The following CDK14 variants were observed in gnomAD, a reference collection of about 807,000 sequenced individuals.
The protein encoded by CDK14 is cyclin dependent kinase 14, also known as cyclin-dependent kinase 14.
CDK14 carries 34 observed loss-of-function variants against 60.7 expected under a neutral mutation model. That is an observed-to-expected ratio of 0.56 (90% CI 0.43 to 0.75). The LOEUF is 0.75. Among genes scored for constraint, CDK14 ranks in the 30% least tolerant of loss-of-function variants. The pLI is 0.00. For missense variants in CDK14, 482 were observed against 564.1 expected, an observed-to-expected ratio of 0.85 and a Z score of 1.47; for synonymous variants, 197 against 203.7, an observed-to-expected ratio of 0.97 and a Z score of 0.28.
chr7:90,886,496 A>G (rs909113082), intron 6 of CDK14, among the ~76,000 whole-genome samples: 6 of 152,202 alleles, frequency 3.9e-5, no homozygotes, highest in Non-Finnish European at 1.5e-5. Context: ...GCCCTCGCAT[A>G]GGGAAAGCAT....
At chr7:91,180,344 TTAAA>T (rs769129886) in intron 14 of CDK14, among the ~76,000 whole-genome samples, 32 of 152,230 alleles carry the variant, frequency 2.1e-4, no homozygotes, top group Non-Finnish European at 4.6e-4. Flanking sequence ...GCTGGGTCTA[TTAAA>T]TAGTCATTAA....
intron 7 of CDK14, among the ~76,000 whole-genome samples, chr7:90,911,389 C>A (rs1792895856): frequency 6.6e-6 from 1 of 152,116 alleles, no homozygotes; most frequent in Non-Finnish European, 1.5e-5. Flanking sequence ...GAGTATCAAC[C>A]ATGACAAAAG....
chr7:91,153,055 G>A (rs140015521), intron 14 of CDK14, among the ~76,000 whole-genome samples: 53 of 152,318 alleles, frequency 3.5e-4, no homozygotes, highest in Middle Eastern at 3.4e-3. Flanking sequence ...GTGGCCAGCT[G>A]TAGGGCTGGT....
At chr7:90,650,168 G>T (rs1343521601) in intron 2 of CDK14, among the ~76,000 whole-genome samples, 2 of 152,126 alleles carry the variant, frequency 1.3e-5, no homozygotes, top group Non-Finnish European at 2.9e-5. Flanking sequence ...GCGTGAGATG[G>T]TATCTCATTG....
chr7:90,653,269 CT>C (rs1563031953), intron 2 of CDK14, among the ~76,000 whole-genome samples: 29 of 152,056 alleles, frequency 1.9e-4, no homozygotes, highest in African/African-American at 6.3e-4. Flanking sequence ...CAACCCCCCT[CT>C]GTTTCTTCAG....
chr7:90,869,249 A>C (rs1170845773), intron 6 of CDK14, among the ~76,000 whole-genome samples: 2 of 152,210 alleles, frequency 1.3e-5, no homozygotes, highest in African/African-American at 4.8e-5. Context: ...CACACATGCA[A>C]CTTTAATTGA....
chr7:90,845,641 G>A (rs1414442777), intron 5 of CDK14, among the ~76,000 whole-genome samples: 1 of 151,884 alleles, frequency 6.6e-6, no homozygotes, highest in Non-Finnish European at 1.5e-5. Flanking sequence ...TACATTCCTA[G>A]CAAACCTTCT....
At chr7:90,800,594 C>T (rs1261197312) in intron 5 of CDK14, among the ~76,000 whole-genome samples, 2 of 151,978 alleles carry the variant, frequency 1.3e-5, no homozygotes, top group African/African-American at 4.8e-5. Flanking sequence ...TACCATTTTT[C>T]CTTGTAACTG....
intron 2 of CDK14, among the ~76,000 whole-genome samples, chr7:90,607,177 C>A (rs186102752): frequency 2.6e-5 from 4 of 152,316 alleles, no homozygotes; most frequent in South Asian, 2.1e-4. Flanking sequence ...GAACTGAGTT[C>A]TTCTGTGATC....
intron 14 of CDK14, among the ~76,000 whole-genome samples, chr7:91,128,953 C>T (rs771961279): frequency 6.6e-6 from 1 of 152,132 alleles, no homozygotes; most frequent in Non-Finnish European, 1.5e-5. Context: ...CTTTGTTGAA[C>T]GTTTCCACAA....
intron 2 of CDK14, among the ~76,000 whole-genome samples, chr7:90,638,401 G>T (rs1322785228): frequency 1.3e-5 from 2 of 152,116 alleles, no homozygotes; most frequent in African/African-American, 4.8e-5. Context: ...GGTTAGTTTG[G>T]CTGGATATGA....
chr7:91,204,947 A>C (rs1234159276), intron 14 of CDK14, among the ~76,000 whole-genome samples: 1 of 146,874 alleles, frequency 6.8e-6, no homozygotes, highest in East Asian at 2.0e-4. Flanking sequence ...GACCCAGTCA[A>C]AAAAAAAAAA....
chr7:90,788,394 A>G (rs7778673), intron 4 of CDK14, among the ~76,000 whole-genome samples: 3,469 of 152,278 alleles, frequency 0.023, 156 homozygotes, highest in African/African-American at 0.078. Flanking sequence ...CCATGTGCAT[A>G]GTAATTTTTT....
intron 14 of CDK14, among the ~76,000 whole-genome samples, chr7:91,178,718 C>A (rs1208176786): frequency 1.3e-5 from 2 of 151,634 alleles, no homozygotes; most frequent in Non-Finnish European, 3.0e-5. Context: ...TGCTCATCAT[C>A]ACTGGCCATC....
chr7:90,770,455 G>A lies in CDK14; in HGVS notation c.465-20118G>A, dbSNP rs7777411. ...TAAAAATGTATTTTTAACTTCTTTA[G>A]GTGAACATTGTTGATTGTTAGCTTT... On this transcript the variant is annotated intron_variant, in intron 4 of 14. Transcript: ENST00000380050. Among the ~76,000 whole-genome samples, 1,208 of 152,212 alleles carry A rather than the reference G, an allele frequency of 7.9e-3. 15 individuals are homozygous for A. The highest frequency in any genetic ancestry group is 0.027 in the African/African-American group (1,112 of 41,520).
At chr7:90,602,264 A>G (rs935365802) in intron 1 of CDK14, among the ~76,000 whole-genome samples, 1 of 152,244 alleles carries the variant, frequency 6.6e-6, no homozygotes, top group Non-Finnish European at 1.5e-5. Flanking sequence ...CTTGCATGGC[A>G]GCCACATAGT....
At chr7:91,194,951 G>C (rs963233567) in intron 14 of CDK14, among the ~76,000 whole-genome samples, 13 of 152,162 alleles carry the variant, frequency 8.5e-5, no homozygotes, top group African/African-American at 2.9e-4. Flanking sequence ...AATCCTGTGA[G>C]CCTGGGGTGT....
intron 2 of CDK14, among the ~76,000 whole-genome samples, chr7:90,646,915 T>A (rs1800482279): frequency 6.6e-6 from 1 of 152,176 alleles, no homozygotes; most frequent in Non-Finnish European, 1.5e-5. Context: ...ACATTTAAAA[T>A]TATAATACTA....
At chr7:91,001,791 CACAT>C (rs1795843045) in intron 10 of CDK14, among the ~76,000 whole-genome samples, 1 of 152,196 alleles carries the variant, frequency 6.6e-6, no homozygotes, top group East Asian at 1.9e-4. Context: ...AAATAACCGA[CACAT>C]AAACCTTTCA....
Sources: gnomAD v4.1 joint callset for allele counts (sites outside exome capture counted in the v4.1 genomes callset) on GRCh38, gnomAD v4.1.1 for gene constraint, MANE v1.5 for transcripts, NCBI Gene and HGNC (gene_info 2026-07-23, HGNC 2026-07-21) for gene names.